Variants in FAM222B observed in about 807,000 individuals in gnomAD.
FAM222B encodes the protein family with sequence similarity 222 member B, also known as protein FAM222B.
Under a neutral mutation model 38.0 loss-of-function variants are expected in FAM222B, and 12 were observed. That is an observed-to-expected ratio of 0.32 (90% CI 0.20 to 0.51). The LOEUF (loss-of-function observed/expected upper bound fraction) is 0.51, where lower values mean the gene tolerates loss of function less well. Among genes scored for constraint, FAM222B ranks in the 20% least tolerant of loss-of-function variants. The pLI is 0.97. For synonymous variants in FAM222B, 329 were observed against 317.2 expected (o/e 1.04, Z -0.40); for missense variants, 716 against 754.2 (o/e 0.95, Z 0.59).
intron 1 of FAM222B, among the ~76,000 whole-genome samples, chr17:28,852,707 C>T (rs545839174): frequency 6.6e-4 from 101 of 152,256 alleles, no homozygotes; most frequent in Non-Finnish European, 1.1e-3. Context: ...CTGCTCAATA[C>T]TGGTCCTCAA....
chr17:28,773,946 G>C (rs1462685449), intron 1 of FAM222B, among the ~76,000 whole-genome samples: 1 of 152,128 alleles, frequency 6.6e-6, no homozygotes, highest in Non-Finnish European at 1.5e-5. Flanking sequence ...AATGAGCTCA[G>C]ACTGTGGCAA....
At chr17:28,807,330 T>C (rs986099960) in intron 1 of FAM222B, among the ~76,000 whole-genome samples, 1 of 152,082 alleles carries the variant, frequency 6.6e-6, no homozygotes, top group Non-Finnish European at 1.5e-5. Flanking sequence ...TTTATCTTAA[T>C]ACTGGAAATG....
intron 1 of FAM222B, among the ~76,000 whole-genome samples, chr17:28,795,429 C>T (rs1003652970): frequency 6.6e-6 from 1 of 152,062 alleles, no homozygotes; most frequent in Non-Finnish European, 1.5e-5. Flanking sequence ...TGTAAGCCAC[C>T]GCACCCAGAC....
chr17:28,813,152 CAAA>C (rs34840127), intron 1 of FAM222B, among the ~76,000 whole-genome samples: 1 of 121,806 alleles, frequency 8.2e-6, no homozygotes, highest in Non-Finnish European at 1.7e-5. Context: ...CACACACATA[CAAA>C]AAAAAAAAAC....
At chr17:28,831,504 CTTTTT>C (rs35692613) in intron 1 of FAM222B, among the ~76,000 whole-genome samples, 1 of 110,878 alleles carries the variant, frequency 9.0e-6, no homozygotes, top group African/African-American at 3.4e-5. Flanking sequence ...TTGTCAAAGG[CTTTTT>C]TTTTTTTTTT....
At chr17:28,803,953 C>G (rs960962231) in intron 1 of FAM222B, among the ~76,000 whole-genome samples, 2 of 151,842 alleles carry the variant, frequency 1.3e-5, no homozygotes, top group Non-Finnish European at 2.9e-5. Flanking sequence ...TGCGCTCCAG[C>G]CTGGGTGACA....
intron 1 of FAM222B, among the ~76,000 whole-genome samples, chr17:28,776,188 T>C (rs1437672686): frequency 1.3e-5 from 2 of 149,398 alleles, no homozygotes; most frequent in Non-Finnish European, 1.5e-5. Flanking sequence ...CTGGCTAACA[T>C]GGTGAAACCC....
At chr17:28,822,838 T>TATATATATATATATATATATATACACAC (rs1598020753) in intron 1 of FAM222B, among the ~76,000 whole-genome samples, 2 of 55,202 alleles carry the variant, frequency 3.6e-5, no homozygotes, top group East Asian at 1.1e-3. Flanking sequence ...AAAAAATATA[T>TATATATATATATATATATATATACACAC]ATATATATAT....
chr17:28,853,941 CTT>C (rs34393247), intron 1 of FAM222B, among the ~76,000 whole-genome samples: 6,219 of 119,832 alleles, frequency 0.052, 311 homozygotes, highest in African/African-American at 0.17. Context: ...ATCTCTGTTT[CTT>C]TTTTTTTTTT....
intron 1 of FAM222B, among the ~76,000 whole-genome samples, chr17:28,818,106 T>A (rs8078402): frequency 0.19 from 28,723 of 151,940 alleles, 2,854 homozygotes; most frequent in South Asian, 0.3. Flanking sequence ...GGTTTATACT[T>A]CTAGCTACTT....
upstream of FAM222B, among the ~76,000 whole-genome samples, chr17:28,845,878 G>A (rs989630279): frequency 4.0e-5 from 6 of 151,848 alleles, no homozygotes; most frequent in Non-Finnish European, 2.9e-5. Flanking sequence ...CTGGGTGACA[G>A]AGCAAGGCTC....
intron 2 of FAM222B, among the ~76,000 whole-genome samples, chr17:28,762,768 C>G (rs1250763977): frequency 6.6e-6 from 1 of 151,410 alleles, no homozygotes; most frequent in Non-Finnish European, 1.5e-5. Flanking sequence ...GAAACCCCGT[C>G]TCTACTAAAA....
intron 2 of FAM222B, chr17:28,762,074 T>C (rs2035103458): frequency 6.6e-6 from 1 of 152,016 alleles, no homozygotes. Context: ...TTGACCTCAT[T>C]CAGGAGTATG....
intron 1 of FAM222B, among the ~76,000 whole-genome samples, chr17:28,797,461 T>C (rs1414424693): frequency 1.3e-5 from 2 of 152,172 alleles, no homozygotes; most frequent in African/African-American, 4.8e-5. Flanking sequence ...AAAGAACAAT[T>C]TGATCTTGTT....
chr17:28,795,237 C>T (rs996745514), intron 1 of FAM222B, among the ~76,000 whole-genome samples: 2 of 152,166 alleles, frequency 1.3e-5, no homozygotes, highest in African/African-American at 4.8e-5. Flanking sequence ...ACGGCAACCT[C>T]CACTTCAAGC....
intron 1 of FAM222B, among the ~76,000 whole-genome samples, chr17:28,773,655 G>A (rs936679596): frequency 6.6e-6 from 1 of 151,898 alleles, no homozygotes; most frequent in Admixed American, 6.6e-5. Context: ...AAAATTAGCC[G>A]GGCATGGTGG....
At chr17:28,845,313 A>G (rs545377296), upstream of FAM222B, among the ~76,000 whole-genome samples, 116 of 151,962 alleles carry the variant, frequency 7.6e-4, no homozygotes, top group Non-Finnish European at 1.1e-3. Context: ...AGGCGGGAGA[A>G]TGGCGTGAAG....
intron 1 of FAM222B, among the ~76,000 whole-genome samples, chr17:28,837,113 T>A (rs2038870238): frequency 1.3e-5 from 2 of 150,072 alleles, no homozygotes; most frequent in Admixed American, 1.3e-4. Flanking sequence ...TGAGACTCCA[T>A]CTCAAAAAGT....
At chr17:28,854,063 C>T (rs932433323) in intron 1 of FAM222B, among the ~76,000 whole-genome samples, 16 of 151,838 alleles carry the variant, frequency 1.1e-4, no homozygotes, top group Non-Finnish European at 1.9e-4. Context: ...CCTGCCTCAG[C>T]CTCCTGAGTA....
Sources: allele counts gnomAD v4.1 joint callset (sites outside exome capture counted in the v4.1 genomes callset), GRCh38; gene constraint gnomAD v4.1.1; transcripts MANE v1.5; gene names NCBI Gene and HGNC (gene_info 2026-07-23, HGNC 2026-07-21).